SLIT3: variants seen among roughly 807,000 people sequenced by gnomAD.
The protein encoded by SLIT3 is slit homolog 3 protein.
SLIT3 carries 68 observed loss-of-function variants against 184.0 expected under a neutral mutation model. That is an observed-to-expected ratio of 0.37 (90% CI 0.30 to 0.45). The LOEUF is 0.45. Ranked by LOEUF, SLIT3 falls within the 20% of genes least tolerant of loss-of-function variation. The pLI is 1.00. For missense variants in SLIT3, 1,707 were observed against 2,026.0 expected (o/e 0.84, Z 3.02); for synonymous variants, 831 against 828.6 (o/e 1.00, Z -0.05).
intron 4 of SLIT3, among the ~76,000 whole-genome samples, chr5:169,067,679 G>A (rs1758407750): frequency 6.6e-6 from 1 of 152,156 alleles, no homozygotes; most frequent in Non-Finnish European, 1.5e-5. Flanking sequence ...TTCCAGTTGG[G>A]TTAAAATTTG....
chr5:169,288,421 A>C (rs576745517), intron 1 of SLIT3, among the ~76,000 whole-genome samples: 6 of 151,832 alleles, frequency 4.0e-5, no homozygotes, highest in Non-Finnish European at 7.4e-5. Context: ...ATTTGTACCC[A>C]CTAAAAGGGA....
At chr5:169,020,362 T>A (rs1756554031) in intron 4 of SLIT3, among the ~76,000 whole-genome samples, 1 of 152,188 alleles carries the variant, frequency 6.6e-6, no homozygotes, top group African/African-American at 2.4e-5. Context: ...TCCGTGAAAC[T>A]TCCCTGAGTT....
At chr5:169,014,097 A>C (rs1441655104) in intron 4 of SLIT3, among the ~76,000 whole-genome samples, 3 of 49,906 alleles carry the variant, frequency 6.0e-5, no homozygotes, top group Non-Finnish European at 9.9e-5. Flanking sequence ...GTGGGAAGGA[A>C]GGCAGGCAGG....
intron 5 of SLIT3, among the ~76,000 whole-genome samples, chr5:168,856,708 C>T (rs935066997): frequency 6.6e-6 from 1 of 151,584 alleles, no homozygotes; most frequent in African/African-American, 2.4e-5. Context: ...GCATCAGTAG[C>T]CAGCGCAGAT....
intron 4 of SLIT3, among the ~76,000 whole-genome samples, chr5:169,004,701 G>A (rs1755848713): frequency 6.6e-6 from 1 of 152,188 alleles, no homozygotes; most frequent in Non-Finnish European, 1.5e-5. Context: ...GTATTTGGAG[G>A]TGGAGCCTTT....
At chr5:168,861,039 A>G (rs1318984182) in intron 5 of SLIT3, among the ~76,000 whole-genome samples, 1 of 152,184 alleles carries the variant, frequency 6.6e-6, no homozygotes, top group Non-Finnish European at 1.5e-5. Context: ...GACCAAGGGA[A>G]CCCAGGGTCT....
chr5:169,092,641 G>T (rs547428949), intron 4 of SLIT3, among the ~76,000 whole-genome samples: 1 of 152,272 alleles, frequency 6.6e-6, no homozygotes, highest in South Asian at 2.1e-4. Flanking sequence ...CTGTCAGCAC[G>T]CATAATTCTT....
At chr5:168,968,539 G>A (rs527574090) in intron 4 of SLIT3, among the ~76,000 whole-genome samples, 8 of 152,264 alleles carry the variant, frequency 5.3e-5, no homozygotes, top group African/African-American at 1.9e-4. Flanking sequence ...ATGAACTTGT[G>A]TATACCCTTA....
intron 35 of SLIT3, among the ~76,000 whole-genome samples, chr5:168,669,446 G>A (rs1761162365): frequency 6.6e-6 from 1 of 152,208 alleles, no homozygotes; most frequent in African/African-American, 2.4e-5. Context: ...ACAGAGAACT[G>A]CAGCCATGGC....
chr5:168,872,823 G>A (rs1353306811), intron 5 of SLIT3, among the ~76,000 whole-genome samples: 1 of 151,892 alleles, frequency 6.6e-6, no homozygotes, highest in Non-Finnish European at 1.5e-5. Context: ...CGTATTTTTA[G>A]TAGAGACGGG....
intron 10 of SLIT3, among the ~76,000 whole-genome samples, chr5:168,794,552 G>A (rs2113600779): frequency 6.6e-6 from 1 of 152,270 alleles, no homozygotes. Flanking sequence ...CAGCAGGGTT[G>A]GTATCACCCG....
intron 4 of SLIT3, among the ~76,000 whole-genome samples, chr5:169,052,522 G>C (rs1757852596): frequency 1.3e-5 from 2 of 152,170 alleles, no homozygotes; most frequent in Non-Finnish European, 1.5e-5. Context: ...GCAACAGAAA[G>C]CTTGTTAAAG....
intron 12 of SLIT3, among the ~76,000 whole-genome samples, chr5:168,777,092 C>CAT (rs1755783973): frequency 1.2e-5 from 1 of 86,378 alleles, no homozygotes; most frequent in African/African-American, 5.0e-5. Flanking sequence ...CACACACACA[C>CAT]ACACACACAC....
intron 4 of SLIT3, among the ~76,000 whole-genome samples, chr5:168,907,652 C>A (rs1258291046): frequency 6.6e-6 from 1 of 151,972 alleles, no homozygotes; most frequent in Non-Finnish European, 1.5e-5. Flanking sequence ...GAAAGAAATA[C>A]ATATAGCATA....
intron 4 of SLIT3, among the ~76,000 whole-genome samples, chr5:169,158,462 T>G (rs567224356): frequency 6.6e-6 from 1 of 151,466 alleles, no homozygotes; most frequent in Admixed American, 6.6e-5. Context: ...AGATGGCCCC[T>G]AAAAGATGGC....
chr5:169,145,643 G>A (rs532768024), intron 4 of SLIT3, among the ~76,000 whole-genome samples: 1 of 152,294 alleles, frequency 6.6e-6, no homozygotes, highest in African/African-American at 2.4e-5. Context: ...GGATAAAACT[G>A]CATACTCATA....
intron 35 of SLIT3, among the ~76,000 whole-genome samples, chr5:168,668,813 C>G (rs1163925776): frequency 1.3e-5 from 2 of 152,220 alleles, no homozygotes; most frequent in African/African-American, 4.8e-5. Flanking sequence ...GAGACAGGCT[C>G]TCACTCTGTC....
At chr5:169,250,705 A>T (rs1285583388) in intron 2 of SLIT3, among the ~76,000 whole-genome samples, 1 of 152,224 alleles carries the variant, frequency 6.6e-6, no homozygotes, top group Non-Finnish European at 1.5e-5. Flanking sequence ...AGCCACACTT[A>T]TGGGTCAAAA....
chr5:169,136,347 G>A (rs1281298942), intron 4 of SLIT3, among the ~76,000 whole-genome samples: 1 of 152,160 alleles, frequency 6.6e-6, no homozygotes, highest in Non-Finnish European at 1.5e-5. Flanking sequence ...TAAAGGGCAG[G>A]TGTTTCCCAA....
Sources: gnomAD v4.1 joint callset for allele counts (sites outside exome capture counted in the v4.1 genomes callset) on GRCh38, gnomAD v4.1.1 for gene constraint, MANE v1.5 for transcripts, NCBI Gene and HGNC (gene_info 2026-07-23, HGNC 2026-07-21) for gene names.